Variants in CDK2AP2 observed in about 807,000 individuals in gnomAD.
The protein encoded by CDK2AP2 is cyclin dependent kinase 2 associated protein 2.
CDK2AP2 carries 1 observed loss-of-function variant against 13.0 expected under a neutral mutation model. The observed-to-expected ratio is 0.08, with a 90% CI of 0.03 to 0.37. The LOEUF is 0.37. Ranked by LOEUF, CDK2AP2 falls within the 10% of genes least tolerant of loss-of-function variation. CDK2AP2 has a pLI of 0.99. For missense variants in CDK2AP2, 129 were observed against 175.8 expected (o/e 0.73, Z 1.50); for synonymous variants, 76 against 73.0 (o/e 1.04, Z -0.21).
In CDK2AP2 at chr11:67,508,044, G is replaced by T. The variant is rs1866575755; in HGVS notation, c.39C>A (p.Thr13=). The stretch of plus-strand genomic sequence containing the variant: ...CCGGCCCAGGGGTGCTGGAGCCAGG[G>T]GTGCTGCTGGGAGCAGGGGCGATGG... ...YKPIAPAPSS[T]PGSSTPGPGT... Residue 13 remains threonine, a synonymous_variant, in exon 1 of 4, where the codon ACC becomes ACA. Transcript: ENST00000301488. 1 of 1,525,870 alleles carries T rather than the reference G, an allele frequency of 6.6e-7. No individual in the cohort carries two copies. Among genetic ancestry groups the T allele is most frequent in the Non-Finnish European group, 8.8e-7 (1 of 1,139,476 alleles). The allele number at this position is 1,525,870 out of a possible 1,614,324, so 94.5% of individuals were successfully genotyped here.
chr11:67,506,867 TC>T lies in CDK2AP2; in HGVS notation c.*77del. 1.6e-6 allele frequency: 2 copies of T among 1,259,322 alleles called. No homozygotes were observed. The highest frequency in any genetic ancestry group is 2.6e-5 in the South Asian group (2 of 77,920). 78.0% of individuals were successfully genotyped at this position (1,259,322 alleles called of 1,614,324 possible). A position where few individuals can be genotyped will look rare whatever the true frequency, so the allele number is the denominator to read the frequency against. ...GGAAGCCCAGGATGGTTAGTGCAAC[TC>T]GGGATGAAGGCCAGGGAGAAGCGGG... On this transcript the variant is annotated 3_prime_UTR_variant, in exon 4 of 4. Coordinates refer to ENST00000301488, the MANE Select transcript of CDK2AP2 (RefSeq NM_005851.5).
chr11:67,508,115 G>A lies in CDK2AP2; in HGVS notation c.-33C>T, dbSNP rs769616262. 5 of 1,447,654 alleles carry A rather than the reference G, an allele frequency of 3.5e-6. No individual in the cohort carries two copies. In the East Asian group the frequency reaches 7.8e-5, roughly 23 times the overall value. 89.7% of individuals were successfully genotyped at this position (1,447,654 alleles called of 1,614,324 possible). A position where few individuals can be genotyped will look rare whatever the true frequency, so the allele number is the denominator to read the frequency against. On this transcript the variant is annotated 5_prime_UTR_variant, in exon 1 of 4. Transcript: ENST00000301488. ...TCCTGGGCGCGGCGGACGCCAGCCGGCCGCTCCTCGGGGGTTGGCTGCGGG... is the reference window on the plus strand; with the variant it reads ...TCCTGGGCGCGGCGGACGCCAGCCGACCGCTCCTCGGGGGTTGGCTGCGGG...
intron 1 of CDK2AP2, 35 bp from the exon 2 acceptor site, chr11:67,507,724 G>T: frequency 6.2e-7 from 1 of 1,606,936 alleles, no homozygotes; most frequent in Non-Finnish European, 8.5e-7. Context: ...GGTCAGCGCG[G>T]GGCAGGGACG....
At chr11:67,507,320 A>T in intron 3 of CDK2AP2, 45 bp downstream of exon 3, 3 of 1,610,072 alleles carry the variant, frequency 1.9e-6, no homozygotes, top group Non-Finnish European at 2.5e-6. Flanking sequence ...CATGAAGGAT[A>T]GTCCAGTGTC....
In CDK2AP2 at chr11:67,508,142, C is replaced by T. The variant is rs1007529988; in HGVS notation, c.-60G>A. The stretch of plus-strand genomic sequence containing the variant: ...CGCTCCTCGGGGGTTGGCTGCGGGG[C>T]CGCTCAGCCGCGCTCTGATTGGCAA... On this transcript the variant is annotated 5_prime_UTR_variant, in exon 1 of 4. Coordinates refer to ENST00000301488, the MANE Select transcript of CDK2AP2 (RefSeq NM_005851.5). 2.1e-6 allele frequency: 3 copies of T among 1,430,674 alleles called. No homozygotes were observed. The highest frequency in any genetic ancestry group is 1.5e-5 in the African/African-American group (1 of 68,924). 88.6% of individuals were successfully genotyped at this position (1,430,674 alleles called of 1,614,324 possible). A position where few individuals can be genotyped will look rare whatever the true frequency, so the allele number is the denominator to read the frequency against.
rs1488768379 is a variant in CDK2AP2 at position 67,506,912 on chromosome 11, T to C, written c.*33A>G. The C allele has an allele frequency of 3.9e-6, 6 of 1,534,442 alleles. No individual in the cohort carries two copies. Among genetic ancestry groups the C allele is most frequent in the Non-Finnish European group, 4.4e-6 (5 of 1,132,076 alleles). ...AAGCGGGTGCTCTGCAGTGGCCGGA[T>C]AGGTCCAGACGCTGAGGCCGAGGCG... On this transcript the variant is annotated 3_prime_UTR_variant, in exon 4 of 4. Transcript: ENST00000301488.
rs997365889 is a variant in CDK2AP2, at chr11:67,507,800, C to T, written c.83-111G>A. 11 of 1,541,508 alleles carry T rather than the reference C, an allele frequency of 7.1e-6. No homozygotes were observed. In the African/African-American group the frequency reaches 1.1e-4, roughly 15 times the overall value. ...GATTCCCTCCAAAGGATGCTTCATTCCATGCTGATCAACTTCAGGGACAAA... is the reference window on the plus strand; with the variant it reads ...GATTCCCTCCAAAGGATGCTTCATTTCATGCTGATCAACTTCAGGGACAAA... On this transcript the variant is annotated intron_variant, in intron 1 of 3. Transcript: ENST00000301488.
rs1866528267 is a variant in CDK2AP2 at position 67,506,599 on chromosome 11, G to A, written c.*346C>T. On this transcript the variant is annotated 3_prime_UTR_variant, in exon 4 of 4. Transcript: ENST00000301488. ...ACTATGGCTCAGGACACAAGGCAGG[G>A]AGGTGCCAGGCCTGTGCCCCTGCTG... The A allele has an allele frequency of 7.1e-5, 28 of 395,030 alleles. No homozygotes were observed. In the South Asian group the frequency reaches 8.5e-4, roughly 12 times the overall value. 24.5% of individuals were successfully genotyped at this position (395,030 alleles called of 1,614,324 possible).
At chr11:67,507,540 G>A (rs1252433738) in intron 2 of CDK2AP2, 43 bp from the exon 3 acceptor site, 1 of 1,613,638 alleles carries the variant, frequency 6.2e-7, no homozygotes, top group Non-Finnish European at 8.5e-7. Flanking sequence ...GGCACCTGGC[G>A]GGGAGGGGGA....
chr11:67,507,935 C>G, intron 1 of CDK2AP2, 66 bp downstream of exon 1: 1 of 1,549,064 alleles, frequency 6.5e-7, no homozygotes, highest in Non-Finnish European at 8.7e-7. Flanking sequence ...TTGCAGAACT[C>G]AGGCCGTCTT....
Position 67,507,670 on chromosome 11 carries a change from C to A in CDK2AP2, c.102G>T (p.Ser34=). 1 of 1,609,746 alleles carries A rather than the reference C, an allele frequency of 6.2e-7. No individual in the cohort carries two copies. Among genetic ancestry groups the A allele is most frequent in the Non-Finnish European group, 8.5e-7 (1 of 1,177,350 alleles). ...PVPTGSVPSP[S]GSVPGAGAPF... is the part of the protein sequence containing the mutation. ...GAGCGCCGGCTCCTGGCACTGAGCC[C>A]GACGGCGACGGGACGCTTCCTGCAG... The change falls in exon 2 of 4, where the codon TCG becomes TCT. Residue 34 remains serine, a synonymous_variant. Coordinates refer to ENST00000301488, the MANE Select transcript of CDK2AP2 (RefSeq NM_005851.5).
intron 1 of CDK2AP2, 105 bp downstream of exon 1, chr11:67,507,896 C>T: frequency 6.5e-7 from 1 of 1,544,584 alleles, no homozygotes; most frequent in Non-Finnish European, 8.7e-7. Context: ...CAAACTGAGG[C>T]TCAGCGAGGG....
At position 67,506,933 on chromosome 11, in the gene CDK2AP2, A is replaced by G; in HGVS notation, c.*12T>C. ...CGGATAGGTCCAGACGCTGAGGCCG[A>G]GGCGCTTCCTGTTACGTGCGGGCGT... On this transcript the variant is annotated 3_prime_UTR_variant, in exon 4 of 4. Coordinates refer to ENST00000301488, the MANE Select transcript of CDK2AP2 (RefSeq NM_005851.5). 6.4e-7 allele frequency: 1 copy of G among 1,552,686 alleles called. No homozygotes were observed. The highest frequency in any genetic ancestry group is 1.2e-5 in the South Asian group (1 of 84,170).
At chr11:67,507,318 A>G in intron 3 of CDK2AP2, 47 bp downstream of exon 3, 1 of 1,610,230 alleles carries the variant, frequency 6.2e-7, no homozygotes, top group African/African-American at 1.3e-5. Context: ...CTCATGAAGG[A>G]TAGTCCAGTG....
intron 1 of CDK2AP2, 89 bp from the exon 2 acceptor site, chr11:67,507,778 TC>T: frequency 6.4e-7 from 1 of 1,559,158 alleles, no homozygotes; most frequent in Non-Finnish European, 8.7e-7. Flanking sequence ...TTCGCCCGAT[TC>T]CCTCCAAAGG....
In CDK2AP2 at chr11:67,506,854, T is replaced by C. The variant is rs891773432; in HGVS notation, c.*91A>G. 3 of 1,082,148 alleles carry C rather than the reference T, an allele frequency of 2.8e-6. No individual in the cohort carries two copies. Among genetic ancestry groups the C allele is most frequent in the Non-Finnish European group, 4.1e-6 (3 of 726,652 alleles). The allele number at this position is 1,082,148 out of a possible 1,614,324, so 67.0% of individuals were successfully genotyped here. On this transcript the variant is annotated 3_prime_UTR_variant, in exon 4 of 4. Transcript: ENST00000301488. ...GGGACACAGGACAGGAAGCCCAGGA[T>C]GGTTAGTGCAACTCGGGATGAAGGC... is the stretch of plus-strand genomic sequence containing the variant.
At chr11:67,507,928 C>G (rs1320867436) in intron 1 of CDK2AP2, 73 bp downstream of exon 1, 1 of 1,548,444 alleles carries the variant, frequency 6.5e-7, no homozygotes, top group Admixed American at 2.0e-5. Flanking sequence ...CCCAGTATTG[C>G]AGAACTCAGG....
In CDK2AP2 at chr11:67,507,442, G is replaced by A; in HGVS notation, c.236C>T (p.Ser79Leu). Residue 79 changes from serine (S) to leucine (L), a missense_variant, in exon 3 of 4, where the codon TCA (serine) becomes TTA (leucine). Coordinates refer to ENST00000301488, the MANE Select transcript of CDK2AP2 (RefSeq NM_005851.5). Reference protein sequence around the residue: ...GSQSTYTDLLSVIEEMGKEIR... With the variant: ...GSQSTYTDLLLVIEEMGKEIR... The stretch of plus-strand genomic sequence containing the variant: ...CTCTTTGCCCATCTCCTCTATGACT[G>A]ACAGCAGGTCCGTGTAGGTGCTCTG... The A allele has an allele frequency of 1.9e-6, 3 of 1,613,928 alleles. No homozygotes were observed. Among genetic ancestry groups the A allele is most frequent in the Non-Finnish European group, 2.5e-6 (3 of 1,180,026 alleles).
intron 3 of CDK2AP2, 161 bp downstream of exon 3, chr11:67,507,204 C>G: frequency 1.1e-6 from 1 of 914,128 alleles, no homozygotes. Flanking sequence ...ATGCTCTTCC[C>G]TGGAAATGGA....
Sources: gnomAD v4.1 joint callset for allele counts on GRCh38, gnomAD v4.1.1 for gene constraint, MANE v1.5 for transcripts, NCBI Gene and HGNC (gene_info 2026-07-23, HGNC 2026-07-21) for gene names.